Variants in GPM6A observed in about 807,000 individuals in gnomAD.
GPM6A encodes the protein glycoprotein M6A.
A neutral mutation model predicts 32.1 loss-of-function variants in GPM6A; 7 were observed. The observed-to-expected ratio is 0.22, with a 90% CI of 0.12 to 0.41. The LOEUF (loss-of-function observed/expected upper bound fraction) is 0.41, where lower values mean the gene tolerates loss of function less well. Ranked by LOEUF, GPM6A falls within the 10% of genes least tolerant of loss-of-function variation. GPM6A has a pLI of 1.00. For missense variants in GPM6A, 235 were observed against 347.2 expected, an observed-to-expected ratio of 0.68 and a Z score of 2.57; for synonymous variants, 130 against 123.4, an observed-to-expected ratio of 1.05 and a Z score of -0.35.
chr4:175,661,201 G>A (rs1274590873), intron 3 of GPM6A, among the ~76,000 whole-genome samples: 1 of 152,126 alleles, frequency 6.6e-6, no homozygotes, highest in East Asian at 1.9e-4. Context: ...CATTAGAAGT[G>A]AGTGATAACC....
At chr4:175,678,003 C>G (rs1403757303) in intron 2 of GPM6A, among the ~76,000 whole-genome samples, 1 of 152,148 alleles carries the variant, frequency 6.6e-6, no homozygotes, top group Non-Finnish European at 1.5e-5. Flanking sequence ...ATATTTCTTC[C>G]TTTAGCACAT....
At chr4:175,970,111 C>T (rs1740455277) in intron 1 of GPM6A, among the ~76,000 whole-genome samples, 1 of 152,296 alleles carries the variant, frequency 6.6e-6, no homozygotes, top group African/African-American at 2.4e-5. Flanking sequence ...TCAAAGAAAA[C>T]TTCTCCTACT....
intron 1 of GPM6A, among the ~76,000 whole-genome samples, chr4:175,729,332 G>T (rs921087349): frequency 6.6e-6 from 1 of 152,092 alleles, no homozygotes; most frequent in South Asian, 2.1e-4. Flanking sequence ...CATCAGATTA[G>T]AATGCCCCTC....
chr4:175,875,608 A>C (rs1737057411), intron 1 of GPM6A, among the ~76,000 whole-genome samples: 1 of 152,200 alleles, frequency 6.6e-6, no homozygotes, highest in African/African-American at 2.4e-5. Context: ...ACTTTCCAAA[A>C]GTTGGACAGT....
chr4:175,829,371 A>G (rs1231801640), intron 1 of GPM6A, among the ~76,000 whole-genome samples: 6 of 152,200 alleles, frequency 3.9e-5, no homozygotes, highest in Admixed American at 3.9e-4. Context: ...AGATTAAATT[A>G]TATGATTAAA....
At chr4:175,897,434 A>G (rs975890130) in intron 1 of GPM6A, among the ~76,000 whole-genome samples, 1 of 152,200 alleles carries the variant, frequency 6.6e-6, no homozygotes, top group African/African-American at 2.4e-5. Context: ...TGCGGTCTGC[A>G]GAGGTCAGGT....
chr4:175,782,368 C>A (rs1733643813), intron 1 of GPM6A, among the ~76,000 whole-genome samples: 1 of 151,984 alleles, frequency 6.6e-6, no homozygotes, highest in African/African-American at 2.4e-5. Context: ...CTTGAAGGTT[C>A]CTACAAAAAA....
At chr4:175,945,864 C>T (rs1039847832) in intron 1 of GPM6A, among the ~76,000 whole-genome samples, 2 of 151,960 alleles carry the variant, frequency 1.3e-5, no homozygotes, top group East Asian at 1.9e-4. Context: ...GTGCATATTA[C>T]GTACAACTCA....
chr4:175,677,916 G>T (rs2110997703), intron 2 of GPM6A, among the ~76,000 whole-genome samples: 1 of 152,262 alleles, frequency 6.6e-6, no homozygotes, highest in Admixed American at 6.5e-5. Flanking sequence ...AAACAATCGA[G>T]CAAAAAAGTT....
At chr4:175,695,674 C>G (rs1301373046) in intron 2 of GPM6A, among the ~76,000 whole-genome samples, 2 of 152,102 alleles carry the variant, frequency 1.3e-5, no homozygotes, top group African/African-American at 4.8e-5. Context: ...GAACTGGCCT[C>G]ATCTCAGATG....
At chr4:175,827,631 T>C (rs796355454) in intron 1 of GPM6A, among the ~76,000 whole-genome samples, 2 of 152,204 alleles carry the variant, frequency 1.3e-5, no homozygotes, top group South Asian at 2.1e-4. Flanking sequence ...TTATTTCTCA[T>C]TGCGCACAAG....
At chr4:175,663,221 T>C (rs1742532603) in intron 3 of GPM6A, among the ~76,000 whole-genome samples, 1 of 152,204 alleles carries the variant, frequency 6.6e-6, no homozygotes, top group Admixed American at 6.5e-5. Context: ...TGAAAACTGA[T>C]GTCCACAGAA....
At chr4:175,702,367 T>C (rs577629167) in intron 1 of GPM6A, among the ~76,000 whole-genome samples, 93 of 152,324 alleles carry the variant, frequency 6.1e-4, no homozygotes, top group Non-Finnish European at 1.1e-3. Context: ...AAATATACAA[T>C]AGACTATTTT....
intron 1 of GPM6A, among the ~76,000 whole-genome samples, chr4:175,744,988 A>G (rs1364428543): frequency 1.3e-5 from 2 of 152,158 alleles, no homozygotes; most frequent in Non-Finnish European, 2.9e-5. Context: ...CCAGGTGCTC[A>G]ATTCATCTTT....
intron 1 of GPM6A, among the ~76,000 whole-genome samples, chr4:175,981,465 T>C (rs1203709890): frequency 6.6e-6 from 1 of 152,204 alleles, no homozygotes; most frequent in Non-Finnish European, 1.5e-5. Context: ...CTTGATTGCC[T>C]TTTGAGAGTG....
intron 1 of GPM6A, among the ~76,000 whole-genome samples, chr4:175,895,530 T>C (rs1737769523): frequency 6.6e-6 from 1 of 152,062 alleles, no homozygotes; most frequent in African/African-American, 2.4e-5. Context: ...TGAGGAAAAA[T>C]AATATCTACA....
At chr4:175,729,273 G>A (rs1021087538) in intron 1 of GPM6A, among the ~76,000 whole-genome samples, 15 of 152,142 alleles carry the variant, frequency 9.9e-5, no homozygotes, top group Admixed American at 6.5e-4. Context: ...AAGTGTTCCC[G>A]TTTCAGTGAC....
rs377474451 is a variant in GPM6A, at chr4:175,725,993, C to CTTTTTT, written c.38-24232_38-24227dup. 3.9e-4 allele frequency among the ~76,000 whole-genome samples: 48 copies of CTTTTTT among 121,868 alleles called. 1 individual carries two copies. Among genetic ancestry groups the CTTTTTT allele is most frequent in the East Asian group, 4.7e-4 (2 of 4,246 alleles). The allele number at this position is 121,868 out of a possible 152,430, so 80.0% of individuals were successfully genotyped here. A position where few individuals can be genotyped will look rare whatever the true frequency, so the allele number is the denominator to read the frequency against. On this transcript the variant is annotated intron_variant, in intron 1 of 6. Coordinates refer to ENST00000393658, the MANE Select transcript of GPM6A (RefSeq NM_201591.3). ...ATGTTTTCCAAATACCCTGTTTCTTCTTTTTTTTTTTTTTTTTTTAAGACG... is the reference window on the plus strand; with the variant it reads ...ATGTTTTCCAAATACCCTGTTTCTTCTTTTTTTTTTTTTTTTTTTTTTTTTAAGACG...
In GPM6A at chr4:175,931,709, C is replaced by CAT. The variant is rs3034786; in HGVS notation, c.-23+70598_-23+70599dup. On this transcript the variant is annotated intron_variant, in intron 1 of 7. Transcript: ENST00000280187. ...ACACACACACACACACACACACACA[C>CAT]ATATATATATATATATATAGCAGAA... Among the ~76,000 whole-genome samples, 367 of 129,300 alleles carry CAT rather than the reference C, an allele frequency of 2.8e-3. 3 individuals carry two copies. The highest frequency in any genetic ancestry group is 9.9e-3 in the African/African-American group (344 of 34,900). 84.8% of individuals were successfully genotyped at this position (129,300 alleles called of 152,430 possible). A position where few individuals can be genotyped will look rare whatever the true frequency, so the allele number is the denominator to read the frequency against.
Sources: allele counts gnomAD v4.1 joint callset (sites outside exome capture counted in the v4.1 genomes callset), GRCh38; gene constraint gnomAD v4.1.1; transcripts MANE v1.5; gene names NCBI Gene and HGNC (gene_info 2026-07-23, HGNC 2026-07-21).